The following ZNF106 variants were observed in gnomAD, a reference collection of about 807,000 sequenced individuals.
The protein encoded by ZNF106 is zinc finger protein 106.
In ZNF106, 67 loss-of-function variants were observed where a neutral mutation model predicts 195.1. The ratio of observed to expected loss-of-function variants is 0.34; its 90% CI spans 0.28 to 0.42. The LOEUF (loss-of-function observed/expected upper bound fraction) is 0.42, where lower values mean the gene tolerates loss of function less well. Among genes scored for constraint, ZNF106 ranks in the 10% least tolerant of loss-of-function variants. The pLI, the probability that ZNF106 is intolerant of heterozygous loss-of-function variation, is 1.00. For synonymous variants in ZNF106, 784 were observed against 818.6 expected (o/e 0.96, Z 0.72); for missense variants, 2,118 against 2,304.5 (o/e 0.92, Z 1.66).
chr15:42,428,353 G>C (rs544739781), intron 14 of ZNF106, among the ~76,000 whole-genome samples: 1 of 152,236 alleles, frequency 6.6e-6, no homozygotes, highest in Admixed American at 6.5e-5. Context: ...ATAAATTCTA[G>C]TAATGTTACC....
At chr15:42,480,394 T>G (rs748490109) in intron 1 of ZNF106, among the ~76,000 whole-genome samples, 1 of 152,228 alleles carries the variant, frequency 6.6e-6, no homozygotes, top group Non-Finnish European at 1.5e-5. Flanking sequence ...CTACTTTGTA[T>G]GATCTTTTTC....
rs1447925993 is a variant in ZNF106, at chr15:42,417,094, T to C, written c.*210A>G. ...CAGAGAAGTATGGTTCCTTAACATT[T>C]GTCTAAATCTATTTAAAACCTCCAG... On this transcript the variant is annotated 3_prime_UTR_variant, in exon 22 of 22. Transcript: ENST00000564754. 1 of 544,602 alleles carries C rather than the reference T, an allele frequency of 1.8e-6. No homozygotes were observed. The highest frequency in any genetic ancestry group is 3.3e-5 in the Admixed American group (1 of 30,578). The allele number at this position is 544,602 out of a possible 1,614,324, so 33.7% of individuals were successfully genotyped here. A position where few individuals can be genotyped will look rare whatever the true frequency, so the allele number is the denominator to read the frequency against.
rs779641160 is a variant in ZNF106, at chr15:42,428,000, T to C, written c.4998+18A>G. ...TCAAGTGCATGGGAAGTAAGCCTTT[T>C]CTCCTCCAACCACTAACCTTTATGT... On this transcript the variant is annotated intron_variant, in intron 15 of 21. Coordinates refer to ENST00000564754, the MANE Select transcript of ZNF106 (RefSeq NM_001366845.3). The C allele has an allele frequency of 2.5e-6, 4 of 1,605,384 alleles. No individual in the cohort carries two copies. The South Asian group carries it at 4.4e-5, about 18-fold the overall frequency.
At chr15:42,457,229 T>C in intron 3 of ZNF106, 71 bp from the exon 4 acceptor site, 2 of 1,610,438 alleles carry the variant, frequency 1.2e-6, no homozygotes, top group Non-Finnish European at 1.7e-6. Flanking sequence ...GATCTGTTAT[T>C]GTTTCCTCTG....
rs767752792 is a variant in ZNF106 at position 42,451,653 on chromosome 15, C to T, written c.619G>A (p.Gly207Ser). ...WFHNHSNSGG[G>S]WLSNSGAVDW... ...ACTGCTCCACTATTTGAAAGCCAAC[C>T]ACCTCCAGAATTACTATGGTTGTGA... Residue 207 changes from glycine to serine, a missense_variant, in exon 5 of 22, where the codon GGT (glycine) becomes AGT (serine). Coordinates refer to ENST00000564754, the MANE Select transcript of ZNF106 (RefSeq NM_001366845.3). The T allele has an allele frequency of 1.7e-5, 28 of 1,614,174 alleles. No individual in the cohort carries two copies. The highest frequency in any genetic ancestry group is 2.3e-5 in the Non-Finnish European group (27 of 1,180,048).
At chr15:42,464,522 CT>C (rs928173954) in intron 3 of ZNF106, among the ~76,000 whole-genome samples, 3,510 of 113,440 alleles carry the variant, frequency 0.031, 108 homozygotes, top group African/African-American at 0.12. Flanking sequence ...ACACATGCTA[CT>C]TTTTTTTTTT....
intron 12 of ZNF106, 128 bp downstream of exon 12, chr15:42,438,477 GCAATCCT>G: frequency 1.4e-6 from 1 of 730,530 alleles, no homozygotes; most frequent in Non-Finnish European, 2.3e-6. Flanking sequence ...GTTGATCAAG[GCAATCCT>G]CTTGGTGATA....
chr15:42,415,508 C>T lies in ZNF106; in HGVS notation c.*1796G>A, dbSNP rs1376973165. Reference sequence around the variant, plus strand: ...AAAAGAACACATACTCAGTCTCACACACAATTTCTGGGGGCTCACAGACCC... The same window carrying T: ...AAAAGAACACATACTCAGTCTCACATACAATTTCTGGGGGCTCACAGACCC... On this transcript the variant is annotated 3_prime_UTR_variant, in exon 22 of 22. Transcript: ENST00000564754. 6.6e-6 allele frequency: 3 copies of T among 455,340 alleles called. No homozygotes were observed. Among genetic ancestry groups the T allele is most frequent in the Non-Finnish European group, 8.8e-6 (2 of 226,642 alleles). The allele number at this position is 455,340 out of a possible 1,614,324, so 28.2% of individuals were successfully genotyped here.
At chr15:42,426,524 T>C (rs1402526204) in intron 15 of ZNF106, among the ~76,000 whole-genome samples, 3 of 151,008 alleles carry the variant, frequency 2.0e-5, no homozygotes, top group Non-Finnish European at 1.5e-5. Context: ...CTCAGCTTCC[T>C]GAGTAGCTGG....
chr15:42,481,769 G>A (rs117380841), intron 1 of ZNF106, among the ~76,000 whole-genome samples: 472 of 152,220 alleles, frequency 3.1e-3, no homozygotes, highest in Non-Finnish European at 5.8e-3. Flanking sequence ...CACTGTTTCT[G>A]ATGATTCGTC....
chr15:42,452,986 G>C (rs758531413), intron 4 of ZNF106, among the ~76,000 whole-genome samples: 2 of 152,048 alleles, frequency 1.3e-5, no homozygotes, highest in Non-Finnish European at 2.9e-5. Context: ...GAGCCACTGC[G>C]CCCGGCCTAG....
chr15:42,469,688 T>A (rs931235082), intron 2 of ZNF106, among the ~76,000 whole-genome samples: 20 of 151,320 alleles, frequency 1.3e-4, no homozygotes, highest in African/African-American at 3.2e-4. Context: ...CAAAAAAAAA[T>A]TTTTAATTAA....
intron 1 of ZNF106, among the ~76,000 whole-genome samples, chr15:42,480,389 T>C (rs1435132949): frequency 6.6e-6 from 1 of 152,212 alleles, no homozygotes; most frequent in Non-Finnish European, 1.5e-5. Flanking sequence ...TTATGCTACT[T>C]TGTATGATCT....
chr15:42,449,857 T>G lies in ZNF106; in HGVS notation c.2415A>C (p.Leu805=). The change falls in exon 5 of 22, where the codon CTA becomes CTC. Residue 805 remains leucine (L), a synonymous_variant. Coordinates refer to ENST00000564754, the MANE Select transcript of ZNF106 (RefSeq NM_001366845.3). ...SGLKPTLRQI[L]NASRRNVNWE... is the part of the protein sequence containing the mutation. ...AGTTGACATTTCTCCGAGATGCATT[T>G]AGAATCTGCCGTAGGGTTGGCTTGA... 3 of 1,614,190 alleles carry G rather than the reference T, an allele frequency of 1.9e-6. No individual in the cohort carries two copies. The highest frequency in any genetic ancestry group is 2.5e-6 in the Non-Finnish European group (3 of 1,180,036).
At chr15:42,442,499 C>T in intron 9 of ZNF106, 85 bp from the exon 10 acceptor site, 1 of 1,155,776 alleles carries the variant, frequency 8.7e-7, no homozygotes, top group South Asian at 1.6e-5. Flanking sequence ...TATTTTTAAA[C>T]ATTAGAAAAG....
In ZNF106 at chr15:42,442,153, G is replaced by A. The variant is rs2055560216; in HGVS notation, c.3683C>T (p.Ser1228Phe). The A allele has an allele frequency of 1.2e-6, 2 of 1,614,064 alleles. No individual in the cohort carries two copies. The highest frequency in any genetic ancestry group is 1.7e-6 in the Non-Finnish European group (2 of 1,180,038). ...ATTCACATTCTCATCTTGTTCAGGA[G>A]ACATGGGCTCTTGTTTAATCTGAAC... ...SSVQIKQEPM[S>F]PEQDENVNAV... The change falls in exon 10 of 22, where the codon TCT becomes TTT. Residue 1228 changes from serine (S) to phenylalanine (F), a missense_variant. By Grantham distance (155) the Ser-to-Phe change is radical. Transcript: ENST00000564754.
chr15:42,429,000 C>T (rs922433224), intron 14 of ZNF106, among the ~76,000 whole-genome samples: 5 of 151,374 alleles, frequency 3.3e-5, no homozygotes, highest in Admixed American at 2.0e-4. Context: ...CTCCTGACCT[C>T]GTGATCTGCC....
chr15:42,467,707 C>G (rs1156252363), intron 2 of ZNF106, among the ~76,000 whole-genome samples: 1 of 152,100 alleles, frequency 6.6e-6, no homozygotes, highest in African/African-American at 2.4e-5. Context: ...ACTTGGGAGG[C>G]TAAGGCAGGA....
chr15:42,441,587 G>C (rs1440557440), intron 10 of ZNF106, among the ~76,000 whole-genome samples: 2 of 152,160 alleles, frequency 1.3e-5, no homozygotes. Flanking sequence ...TTTTTGAAAA[G>C]AGTGAAAACC....
Sources: gnomAD v4.1 joint callset for allele counts (sites outside exome capture counted in the v4.1 genomes callset) on GRCh38, gnomAD v4.1.1 for gene constraint, MANE v1.5 for transcripts, NCBI Gene and HGNC (gene_info 2026-07-23, HGNC 2026-07-21) for gene names.